The following GRB2 variants were observed in gnomAD, a reference collection of about 807,000 sequenced individuals.
GRB2 encodes the protein growth factor receptor bound protein 2.
GRB2 carries 2 observed loss-of-function variants against 27.4 expected under a neutral mutation model. The observed-to-expected ratio is 0.07, with a 90% CI of 0.03 to 0.23. The LOEUF is 0.23. GRB2 is among the 10% of genes least tolerant of loss of function. The probability of loss-of-function intolerance (pLI) is 1.00; values close to 1 mark genes in which losing one functional copy is unlikely to be tolerated. For synonymous variants in GRB2, 94 were observed against 99.6 expected, an observed-to-expected ratio of 0.94 and a Z score of 0.33; for missense variants, 102 against 282.4, an observed-to-expected ratio of 0.36 and a Z score of 4.58.
chr17:75,343,933 C>T (rs909626017), intron 2 of GRB2, among the ~76,000 whole-genome samples: 3 of 152,028 alleles, frequency 2.0e-5, no homozygotes, highest in African/African-American at 7.2e-5. Context: ...ATATGATGAC[C>T]TGTACTAGAC....
intron 3 of GRB2, among the ~76,000 whole-genome samples, chr17:75,327,334 C>T (rs1333857356): frequency 1.3e-5 from 2 of 151,624 alleles, no homozygotes; most frequent in Non-Finnish European, 2.9e-5. Context: ...CTGCCTTGGC[C>T]TCCCAAAGTG....
intron 2 of GRB2, among the ~76,000 whole-genome samples, chr17:75,383,796 A>G (rs544843460): frequency 4.6e-5 from 7 of 152,130 alleles, no homozygotes; most frequent in Non-Finnish European, 7.4e-5. Flanking sequence ...CAGCCAAGAC[A>G]GCACCACTAC....
At chr17:75,355,083 C>T (rs567784767) in intron 2 of GRB2, among the ~76,000 whole-genome samples, 1 of 152,336 alleles carries the variant, frequency 6.6e-6, no homozygotes, top group East Asian at 1.9e-4. Context: ...GCTGGGATTA[C>T]AGGCGTGAGC....
intron 1 of GRB2, among the ~76,000 whole-genome samples, chr17:75,401,183 C>T (rs955548372): frequency 4.6e-5 from 7 of 151,986 alleles, no homozygotes; most frequent in Non-Finnish European, 7.4e-5. Flanking sequence ...CAGTGGCTCA[C>T]GCCTGTAATC....
chr17:75,375,553 T>TA (rs748244125), intron 2 of GRB2, among the ~76,000 whole-genome samples: 18 of 152,110 alleles, frequency 1.2e-4, no homozygotes, highest in Non-Finnish European at 2.5e-4. Context: ...CTGAAAGTAT[T>TA]AAAATCATAC....
intron 1 of GRB2, among the ~76,000 whole-genome samples, chr17:75,399,369 T>C (rs1169356831): frequency 4.0e-5 from 1 of 25,260 alleles, no homozygotes; most frequent in Non-Finnish European, 4.4e-4. Context: ...AATCTTTTCT[T>C]TTTTTTTTTT....
chr17:75,341,672 A>C (rs1567861406), intron 2 of GRB2, among the ~76,000 whole-genome samples: 1 of 152,172 alleles, frequency 6.6e-6, no homozygotes, highest in East Asian at 1.9e-4. Flanking sequence ...TCATTACTTT[A>C]TACTTCCCTC....
intron 2 of GRB2, among the ~76,000 whole-genome samples, chr17:75,345,302 C>T (rs2078648172): frequency 6.6e-6 from 1 of 152,080 alleles, no homozygotes; most frequent in Admixed American, 6.6e-5. Flanking sequence ...CCTCAGCCTC[C>T]CAAAGTTGTG....
intron 2 of GRB2, among the ~76,000 whole-genome samples, chr17:75,353,716 C>T (rs4789174): frequency 0.59 from 89,212 of 150,932 alleles, 31,936 homozygotes; most frequent in East Asian, 0.86. Context: ...GCCGAGACTG[C>T]GCCACTGCAC....
At chr17:75,354,550 T>C (rs2078717958) in intron 2 of GRB2, among the ~76,000 whole-genome samples, 1 of 152,154 alleles carries the variant, frequency 6.6e-6, no homozygotes, top group African/African-American at 2.4e-5. Flanking sequence ...TGTAAGAATC[T>C]AATGCCTGAT....
chr17:75,318,505 G>C lies in GRB2; in HGVS notation c.*1863C>G, dbSNP rs1033641160. 2.0e-5 allele frequency: 3 copies of C among 152,278 alleles called. No individual in the cohort carries two copies. The highest frequency in any genetic ancestry group is 4.4e-5 in the Non-Finnish European group (3 of 68,078). 9.4% of individuals were successfully genotyped at this position (152,278 alleles called of 1,614,324 possible). ...TCCCGGAAGAGAGGGAGGCAGTCTT[G>C]TTTTTGTCGTGGGAAGGGGTTTGGG... On this transcript the variant is annotated 3_prime_UTR_variant, in exon 6 of 6. Coordinates refer to ENST00000316804, the MANE Select transcript of GRB2 (RefSeq NM_002086.5).
intron 2 of GRB2, among the ~76,000 whole-genome samples, chr17:75,370,577 G>A (rs1208625664): frequency 6.6e-6 from 1 of 152,206 alleles, no homozygotes; most frequent in Admixed American, 6.5e-5. Context: ...GTTAAGCCAA[G>A]TGTTCTGGCA....
At chr17:75,324,249 G>C (rs937826080) in intron 4 of GRB2, among the ~76,000 whole-genome samples, 1 of 151,752 alleles carries the variant, frequency 6.6e-6, no homozygotes, top group African/African-American at 2.4e-5. Context: ...ACTCAGGCTG[G>C]AGTGTAGTGG....
intron 2 of GRB2, among the ~76,000 whole-genome samples, chr17:75,376,344 CAAAA>C (rs71159502): frequency 8.1e-5 from 6 of 74,480 alleles, no homozygotes; most frequent in South Asian, 1.2e-3. Context: ...GACTCTGTCT[CAAAA>C]AAAAAAAAAA....
chr17:75,371,340 A>G (rs2078855373), intron 2 of GRB2: 1 of 152,174 alleles, frequency 6.6e-6, no homozygotes, highest in African/African-American at 2.4e-5. Context: ...TGTTGCCTAA[A>G]TAAAGGCAAA....
intron 1 of GRB2, among the ~76,000 whole-genome samples, chr17:75,398,202 A>G (rs565302399): frequency 1.1e-3 from 168 of 152,342 alleles, no homozygotes; most frequent in African/African-American, 3.9e-3. Flanking sequence ...GTTTTCATAT[A>G]CTAATTGGCA....
At chr17:75,335,811 T>C (rs1238360150) in intron 2 of GRB2, among the ~76,000 whole-genome samples, 1 of 152,232 alleles carries the variant, frequency 6.6e-6, no homozygotes, top group East Asian at 1.9e-4. Flanking sequence ...AGTCATCATT[T>C]TGTTTCTCGT....
intron 2 of GRB2, among the ~76,000 whole-genome samples, chr17:75,364,748 T>A (rs2078808671): frequency 6.6e-6 from 1 of 151,968 alleles, no homozygotes; most frequent in Non-Finnish European, 1.5e-5. Flanking sequence ...AAGACTATTA[T>A]GGACAATGAA....
intron 2 of GRB2, among the ~76,000 whole-genome samples, chr17:75,388,900 G>C (rs754956158): frequency 3.9e-5 from 6 of 152,074 alleles, no homozygotes; most frequent in Non-Finnish European, 7.4e-5. Flanking sequence ...CCTTTCTTAG[G>C]AGACTTATTA....
Sources: allele counts gnomAD v4.1 joint callset (sites outside exome capture counted in the v4.1 genomes callset), GRCh38; gene constraint gnomAD v4.1.1; transcripts MANE v1.5; gene names NCBI Gene and HGNC (gene_info 2026-07-23, HGNC 2026-07-21).